The following EXD3 variants were observed in gnomAD, a reference collection of about 807,000 sequenced individuals.
EXD3 encodes the protein exonuclease mut-7 homolog.
Under a neutral mutation model 98.0 loss-of-function variants are expected in EXD3, and 92 were observed. The ratio of observed to expected loss-of-function variants is 0.94; its 90% CI spans 0.79 to 1.12. The LOEUF (loss-of-function observed/expected upper bound fraction) is 1.12. Ranked by LOEUF, EXD3 falls within the 50% of genes most tolerant of loss-of-function variation. The pLI is 0.00. For synonymous variants in EXD3, 569 were observed against 526.0 expected (o/e 1.08, Z -1.12); for missense variants, 1,222 against 1,191.6 (o/e 1.03, Z -0.38).
At chr9:137,388,150 G>A (rs1836702167) in intron 2 of EXD3, among the ~76,000 whole-genome samples, 2 of 152,152 alleles carry the variant, frequency 1.3e-5, no homozygotes, top group Admixed American at 6.5e-5. Context: ...CTTCTCTCTG[G>A]GGGGCTGAAT....
At chr9:137,315,410 G>A (rs1831592798) in intron 19 of EXD3, among the ~76,000 whole-genome samples, 1 of 152,230 alleles carries the variant, frequency 6.6e-6, no homozygotes, top group Non-Finnish European at 1.5e-5. Flanking sequence ...CCACGCGTGT[G>A]GGCCTGACCC....
At chr9:137,374,760 G>A (rs1217745610) in intron 3 of EXD3, 3 of 985,364 alleles carry the variant, frequency 3.0e-6, no homozygotes, top group South Asian at 4.7e-5. Flanking sequence ...TGTCCCTCGG[G>A]ACTCTGGGAA....
At chr9:137,310,639 C>T (rs757063535) in intron 19 of EXD3, among the ~76,000 whole-genome samples, 3 of 152,162 alleles carry the variant, frequency 2.0e-5, no homozygotes, top group Admixed American at 6.5e-5. Context: ...TGACTTGGAG[C>T]GGGGTGCACG....
At chr9:137,417,126 G>C (rs1333864311) in intron 1 of EXD3, among the ~76,000 whole-genome samples, 1 of 152,172 alleles carries the variant, frequency 6.6e-6, no homozygotes, top group African/African-American at 2.4e-5. Flanking sequence ...GCCGCGTTGC[G>C]GGGTTTCATC....
chr9:137,372,756 T>C, intron 5 of EXD3, 149 bp downstream of exon 5: 1 of 802,278 alleles, frequency 1.2e-6, no homozygotes, highest in East Asian at 2.8e-5. Flanking sequence ...ACACAGCTGA[T>C]GGCTGCCCAC....
At chr9:137,355,512 AAGGAGGAAGGAGGATGGAGG>A in intron 8 of EXD3, among the ~76,000 whole-genome samples, 2 of 133,402 alleles carry the variant, frequency 1.5e-5, no homozygotes, top group African/African-American at 6.2e-5. Context: ...AGGAAGGAGG[AAGGAGGAAGGAGGATGGAGG>A]AAGGAGGAAG....
rs539709841 is a variant in EXD3, at chr9:137,362,370, G to T, written c.656+4123C>A. Among the ~76,000 whole-genome samples, 3 of 152,176 alleles carry T rather than the reference G, an allele frequency of 2.0e-5. No homozygotes were observed. In the South Asian group the frequency reaches 6.2e-4, roughly 31 times the overall value. ...TGGTTTAACATAGAAACATTAAATG[G>T]TGCAAATGCATCATACTAACTGATT... On this transcript the variant is annotated intron_variant, in intron 7 of 21. Transcript: ENST00000340951.
chr9:137,345,671 A>AAAAAAAAAAAAG (rs1554807528), intron 17 of EXD3: 2 of 151,040 alleles, frequency 1.3e-5, no homozygotes, highest in African/African-American at 4.9e-5. Flanking sequence ...CAAAAAAAAA[A>AAAAAAAAAAAAG]AAAAGGAAAG....
Position 137,359,958 on chromosome 9 carries a change from G to C in EXD3, c.657-3590C>G, listed in dbSNP as rs1385674316. Among the ~76,000 whole-genome samples the C allele has an allele frequency of 3.5e-5, 3 of 86,708 alleles. 1 individual carries two copies. Among genetic ancestry groups the C allele is most frequent in the African/African-American group, 9.6e-5 (3 of 31,354 alleles). 56.9% of individuals were successfully genotyped at this position (86,708 alleles called of 152,430 possible). On this transcript the variant is annotated intron_variant, in intron 7 of 21. Transcript: ENST00000340951. ...GTCATAGGGTTGGCATACTTTTTTT[G>C]CTTTAGTAGAAACTGCTAAATAATT...
At chr9:137,413,793 A>C (rs1284366247) in intron 1 of EXD3, among the ~76,000 whole-genome samples, 1 of 151,272 alleles carries the variant, frequency 6.6e-6, no homozygotes, top group Non-Finnish European at 1.5e-5. Flanking sequence ...ACAACCAACC[A>C]TGTGCCCATC....
intron 5 of EXD3, among the ~76,000 whole-genome samples, chr9:137,368,656 C>T (rs1024382813): frequency 2.0e-5 from 3 of 152,260 alleles, no homozygotes; most frequent in Non-Finnish European, 4.4e-5. Context: ...ATCGGCGCCC[C>T]GCCCCCGCGC....
chr9:137,358,363 T>G lies in EXD3; in HGVS notation c.657-1995A>C, dbSNP rs118139135. On this transcript the variant is annotated intron_variant, in intron 7 of 21. Transcript: ENST00000340951. ...TGGTTTCAGCACGGAGCCCCAGCCC[T>G]GTCCTCAGCTGTGGCCAGAACACCG... 9.3e-3 allele frequency among the ~76,000 whole-genome samples: 1,424 copies of G among 152,312 alleles called. 30 individuals are homozygous for G. Among genetic ancestry groups the G allele is most frequent in the Middle Eastern group, 0.061 (18 of 294 alleles).
At chr9:137,366,663 C>G in intron 6 of EXD3, 31 bp from the exon 7 acceptor site, 1 of 1,538,204 alleles carries the variant, frequency 6.5e-7, no homozygotes, top group Non-Finnish European at 8.8e-7. Context: ...AGGCCACAGC[C>G]TCCGCCACCT....
Position 137,371,259 on chromosome 9 carries a change from C to T in EXD3, c.462+1646G>A, listed in dbSNP as rs969421303. Among the ~76,000 whole-genome samples the T allele has an allele frequency of 1.3e-5, 2 of 152,252 alleles. No homozygotes were observed. The highest frequency in any genetic ancestry group is 4.8e-5 in the African/African-American group (2 of 41,470). ...GGCACGGCCGCCATTCAGCGTCGCGCCACATGAGGGGGACCCTCCATCCTG... is the reference window on the plus strand; with the variant it reads ...GGCACGGCCGCCATTCAGCGTCGCGTCACATGAGGGGGACCCTCCATCCTG... On this transcript the variant is annotated intron_variant, in intron 5 of 21. Coordinates refer to ENST00000340951, the MANE Select transcript of EXD3 (RefSeq NM_017820.5). This position sits in a 1 kb window ranked among gnomAD's most constrained non-coding sequence, Gnocchi z 8.0.
At chr9:137,372,789 T>G in intron 5 of EXD3, 116 bp downstream of exon 5, 1 of 1,113,626 alleles carries the variant, frequency 9.0e-7, no homozygotes, top group Non-Finnish European at 1.3e-6. Context: ...GATACCTCCA[T>G]GTAGACCAGA....
chr9:137,391,646 C>T (rs977824752), intron 2 of EXD3, among the ~76,000 whole-genome samples: 4 of 151,666 alleles, frequency 2.6e-5, no homozygotes, highest in South Asian at 2.1e-4. Context: ...TGCCCCGCCC[C>T]GCCCCGCCTC....
At chr9:137,316,432 C>G (rs1163257289) in intron 19 of EXD3, among the ~76,000 whole-genome samples, 2 of 152,056 alleles carry the variant, frequency 1.3e-5, no homozygotes, top group Non-Finnish European at 2.9e-5. Context: ...GCCCCCCGCC[C>G]GCAGAGGGGG....
rs1393887409 is a variant in EXD3 at position 137,403,136 on chromosome 9, C to A, written c.-47-7732G>T. On this transcript the variant is annotated intron_variant, in intron 1 of 21. Transcript: ENST00000340951. The surrounding 1 kb of genome is among the most constrained non-coding windows in gnomAD (Gnocchi z 6.1). ...CGGCTTGGCTCATTTCCTGCAGGATCCCCGGCGCTGACCCCTCTCCCCTCC... is the reference window on the plus strand; with the variant it reads ...CGGCTTGGCTCATTTCCTGCAGGATACCCGGCGCTGACCCCTCTCCCCTCC... Among the ~76,000 whole-genome samples, 1 of 151,932 alleles carries A rather than the reference C, an allele frequency of 6.6e-6. No individual in the cohort carries two copies. Among genetic ancestry groups the A allele is most frequent in the Non-Finnish European group, 1.5e-5 (1 of 67,986 alleles).
At chr9:137,382,269 G>A (rs1335265017) in intron 3 of EXD3, among the ~76,000 whole-genome samples, 3 of 151,846 alleles carry the variant, frequency 2.0e-5, no homozygotes, top group Non-Finnish European at 2.9e-5. Flanking sequence ...AGCGGAGCCC[G>A]GAGCAGATCT....
Sources: gnomAD v4.1 joint callset for allele counts (sites outside exome capture counted in the v4.1 genomes callset) on GRCh38, gnomAD v4.1.1 for gene constraint, Gnocchi (gnomAD v3.1) non-coding constraint, MANE v1.5 for transcripts, NCBI Gene and HGNC (gene_info 2026-07-23, HGNC 2026-07-21) for gene names.